RORB: variants seen among roughly 807,000 people sequenced by gnomAD.
The protein encoded by RORB is nuclear receptor ROR-beta.
RORB carries 6 observed loss-of-function variants against 59.1 expected under a neutral mutation model. The observed-to-expected ratio is 0.10, with a 90% CI of 0.06 to 0.20. The LOEUF is 0.20. RORB is among the 10% of genes least tolerant of loss of function. RORB has a pLI of 1.00. For missense variants in RORB, 320 were observed against 560.5 expected (o/e 0.57, Z 4.33); for synonymous variants, 215 against 204.5 (o/e 1.05, Z -0.44).
intron 1 of RORB, among the ~76,000 whole-genome samples, chr9:74,590,727 G>A (rs1822875346): frequency 6.6e-6 from 1 of 152,100 alleles, no homozygotes; most frequent in Admixed American, 6.5e-5. Flanking sequence ...TGCCCTTTAG[G>A]AGATATTTGT....
chr9:74,597,198 G>C (rs768759351), intron 1 of RORB, among the ~76,000 whole-genome samples: 22 of 152,274 alleles, frequency 1.4e-4, no homozygotes, highest in South Asian at 2.1e-4. Flanking sequence ...TAGGAAGTAG[G>C]AGCAATACCA....
At chr9:74,621,347 G>A (rs10869430) in intron 1 of RORB, among the ~76,000 whole-genome samples, 48,605 of 151,924 alleles carry the variant, frequency 0.32, 8,343 homozygotes, top group East Asian at 0.58. Context: ...ATATTATGTA[G>A]CTGGAATCAA....
intron 1 of RORB, among the ~76,000 whole-genome samples, chr9:74,582,728 C>T (rs547945325): frequency 6.6e-6 from 1 of 152,288 alleles, no homozygotes; most frequent in Admixed American, 6.5e-5. Flanking sequence ...CCTCAGCCCC[C>T]TCACCCTGCC....
At chr9:74,616,110 G>C (rs1823308717) in intron 1 of RORB, among the ~76,000 whole-genome samples, 1 of 152,088 alleles carries the variant, frequency 6.6e-6, no homozygotes, top group Admixed American at 6.6e-5. Flanking sequence ...CTATTTGGTT[G>C]AATGATTATT....
chr9:74,552,719 C>T (rs1161327271), intron 1 of RORB, among the ~76,000 whole-genome samples: 1 of 151,974 alleles, frequency 6.6e-6, no homozygotes, highest in African/African-American at 2.4e-5. Flanking sequence ...ATATCATGCA[C>T]GGTGCACCCT....
chr9:74,654,141 C>CTT (rs902354538), intron 4 of RORB, among the ~76,000 whole-genome samples: 4 of 151,962 alleles, frequency 2.6e-5, no homozygotes, highest in Non-Finnish European at 5.9e-5. Flanking sequence ...ATTCTTACAC[C>CTT]TTTTTACATC....
intron 9 of RORB, among the ~76,000 whole-genome samples, chr9:74,679,724 A>G (rs1824512471): frequency 6.6e-6 from 1 of 152,218 alleles, no homozygotes; most frequent in Non-Finnish European, 1.5e-5. Flanking sequence ...TAAAACATCC[A>G]GAAATTCCAA....
chr9:74,655,073 G>GT (rs1265901781), intron 4 of RORB, among the ~76,000 whole-genome samples: 1 of 152,148 alleles, frequency 6.6e-6, no homozygotes, highest in African/African-American at 2.4e-5. Context: ...ATATAAAATT[G>GT]TTTTTCTCTT....
At chr9:74,644,305 A>C (rs1823859826) in intron 4 of RORB, among the ~76,000 whole-genome samples, 1 of 152,248 alleles carries the variant, frequency 6.6e-6, no homozygotes, top group Admixed American at 6.5e-5. Context: ...CACACAAAAA[A>C]AGAAACATCA....
chr9:74,538,395 A>G (rs1488034409), intron 1 of RORB, among the ~76,000 whole-genome samples: 1 of 152,098 alleles, frequency 6.6e-6, no homozygotes, highest in Non-Finnish European at 1.5e-5. Flanking sequence ...GGTTTTGTCC[A>G]CTGTTCACCA....
intron 4 of RORB, among the ~76,000 whole-genome samples, chr9:74,645,254 G>A (rs993047630): frequency 1.3e-5 from 2 of 152,018 alleles, no homozygotes; most frequent in Non-Finnish European, 2.9e-5. Flanking sequence ...GTTGAATCTA[G>A]GTACCAATGA....
chr9:74,685,363 C>G lies in RORB; in HGVS notation c.1225-100C>G, dbSNP rs1318939814. The G allele has an allele frequency of 5.3e-6, 5 of 945,160 alleles. No homozygotes were observed. In the Middle Eastern group the frequency reaches 1.1e-3, roughly 209 times the overall value. The allele number at this position is 945,160 out of a possible 1,614,324, so 58.5% of individuals were successfully genotyped here. The stretch of plus-strand genomic sequence containing the variant: ...TCTTTCTGAACATCTTTTTCCAAAG[C>G]CTTTTACCTTCATCTGGGGCCAGAA... On this transcript the variant is annotated intron_variant, in intron 9 of 9. Coordinates refer to ENST00000376896, the MANE Select transcript of RORB (RefSeq NM_006914.4).
chr9:74,527,259 A>G (rs1178046698), intron 1 of RORB, among the ~76,000 whole-genome samples: 2 of 151,990 alleles, frequency 1.3e-5, no homozygotes, highest in African/African-American at 2.4e-5. Context: ...ATACTCTACT[A>G]TGGAAAACAA....
At chr9:74,558,238 G>C (rs933393121) in intron 1 of RORB, among the ~76,000 whole-genome samples, 1 of 152,094 alleles carries the variant, frequency 6.6e-6, no homozygotes, top group African/African-American at 2.4e-5. Flanking sequence ...TCCTCAAATA[G>C]CTGCATCCAG....
At chr9:74,664,917 G>A (rs113970050) in intron 6 of RORB, among the ~76,000 whole-genome samples, 4 of 152,294 alleles carry the variant, frequency 2.6e-5, no homozygotes, top group African/African-American at 9.6e-5. Flanking sequence ...TGCTCAAAGG[G>A]AAAAACAGTG....
chr9:74,498,135 G>T lies in RORB; in HGVS notation c.7+152G>T. ...GCTCTCGCAGGTGGGGCTGCAAATG[G>T]CCTGGGCGTAGAAAGTTGCGGGAAG... On this transcript the variant is annotated intron_variant, in intron 1 of 9. Transcript: ENST00000376896. 8 of 842,198 alleles carry T rather than the reference G, an allele frequency of 9.5e-6. No homozygotes were observed. The Admixed American group carries it at 1.8e-4, about 19-fold the overall frequency. 52.2% of individuals were successfully genotyped at this position (842,198 alleles called of 1,614,324 possible).
intron 1 of RORB, among the ~76,000 whole-genome samples, chr9:74,569,371 T>C (rs1587363505): frequency 6.6e-6 from 1 of 152,040 alleles, no homozygotes; most frequent in Non-Finnish European, 1.5e-5. Context: ...TTAAAGTATA[T>C]AGTGTATAGT....
chr9:74,566,015 C>A (rs1822463371), intron 1 of RORB, among the ~76,000 whole-genome samples: 3 of 152,124 alleles, frequency 2.0e-5, no homozygotes, highest in Non-Finnish European at 4.4e-5. Context: ...TGCTCTCAGG[C>A]ACTGATGAAG....
At chr9:74,570,240 A>G (rs1822530873) in intron 1 of RORB, among the ~76,000 whole-genome samples, 1 of 152,108 alleles carries the variant, frequency 6.6e-6, no homozygotes, top group Non-Finnish European at 1.5e-5. Context: ...CATTACGTGT[A>G]TCAATTTATT....
Sources: allele counts gnomAD v4.1 joint callset (sites outside exome capture counted in the v4.1 genomes callset), GRCh38; gene constraint gnomAD v4.1.1; transcripts MANE v1.5; gene names NCBI Gene and HGNC (gene_info 2026-07-23, HGNC 2026-07-21).